The following CLEC12A variants were observed in gnomAD, a reference collection of about 807,000 sequenced individuals.
The protein encoded by CLEC12A is C-type lectin protein CLL-1.
In CLEC12A, 22 loss-of-function variants were observed where a neutral mutation model predicts 26.5. The ratio of observed to expected loss-of-function variants is 0.83; its 90% CI spans 0.59 to 1.19. The LOEUF is 1.19. Ranked by LOEUF, CLEC12A falls within the 50% of genes most tolerant of loss-of-function variation. The probability of loss-of-function intolerance (pLI) is 0.00; values close to 1 mark genes in which losing one functional copy is unlikely to be tolerated. For missense variants in CLEC12A, 353 were observed against 315.6 expected (o/e 1.12, Z -0.90); for synonymous variants, 119 against 101.9 (o/e 1.17, Z -1.01).
chr12:9,987,748 GTTTT>G (rs551821321), downstream of CLEC12A, among the ~76,000 whole-genome samples: 4 of 151,706 alleles, frequency 2.6e-5, no homozygotes, highest in African/African-American at 4.8e-5. Flanking sequence ...GTTTTTGTTT[GTTTT>G]TTTGTTTTGT....
chr12:9,969,859 C>G (rs1036581662), upstream of CLEC12A, among the ~76,000 whole-genome samples: 7 of 152,214 alleles, frequency 4.6e-5, no homozygotes, highest in Admixed American at 2.6e-4. Context: ...TTGATGGTCT[C>G]AACTCTACCA....
chr12:9,981,635 G>T (rs1283338591), intron 4 of CLEC12A, among the ~76,000 whole-genome samples: 1 of 152,114 alleles, frequency 6.6e-6, no homozygotes, highest in Non-Finnish European at 1.5e-5. Context: ...ATCTGAGTGT[G>T]TGGCATTTTT....
intron 1 of CLEC12A, among the ~76,000 whole-genome samples, chr12:9,956,323 C>T (rs1005792951): frequency 2.6e-5 from 4 of 152,176 alleles, no homozygotes; most frequent in African/African-American, 9.7e-5. Flanking sequence ...AATAAGAACA[C>T]ATCTTCTTTG....
At chr12:9,953,186 G>A (rs1202780559) in intron 1 of CLEC12A, 1 of 125,856 alleles carries the variant, frequency 7.9e-6, no homozygotes, top group Non-Finnish European at 1.7e-5. Context: ...GGAGGTGGGG[G>A]GGTCAGCCCC....
In CLEC12A at chr12:9,985,241, C is replaced by A. The variant is rs777255141; in HGVS notation, c.*215C>A. 1.1e-5 allele frequency: 5 copies of A among 445,572 alleles called. No individual in the cohort carries two copies. The highest frequency in any genetic ancestry group is 1.9e-5 in the Non-Finnish European group (5 of 268,618). 27.6% of individuals were successfully genotyped at this position (445,572 alleles called of 1,614,324 possible). A position where few individuals can be genotyped will look rare whatever the true frequency, so the allele number is the denominator to read the frequency against. ...TGAAGCATGTCCCACCTCCCACTTT[C>A]CATCATGGCCTGAACCCTGGAGGAA... On this transcript the variant is annotated 3_prime_UTR_variant, in exon 6 of 6. Coordinates refer to ENST00000304361, the MANE Select transcript of CLEC12A (RefSeq NM_138337.6).
intron 2 of CLEC12A, 128 bp downstream of exon 2, chr12:9,979,192 A>T: frequency 1.0e-6 from 1 of 968,620 alleles, no homozygotes; most frequent in Non-Finnish European, 1.6e-6. Context: ...GAGGACTTAC[A>T]ATGTGGAACT....
downstream of CLEC12A, chr12:9,996,788 T>C (rs1311145832): frequency 2.5e-6 from 4 of 1,574,902 alleles, no homozygotes; most frequent in Non-Finnish European, 3.5e-6. Context: ...AGGTCAAGTG[T>C]TACATTTGAG....
At chr12:9,957,238 A>T (rs1047630554) in intron 1 of CLEC12A, among the ~76,000 whole-genome samples, 6 of 152,016 alleles carry the variant, frequency 3.9e-5, no homozygotes, top group African/African-American at 1.5e-4. Context: ...CTGTAATCCC[A>T]GTAATTTGGG....
downstream of CLEC12A, chr12:9,985,804 T>C: frequency 4.5e-6 from 1 of 221,042 alleles, no homozygotes; most frequent in Non-Finnish European, 8.8e-6. Flanking sequence ...TGTTAGTAAA[T>C]ATTTTCCTGT....
intron 4 of CLEC12A, chr12:9,991,251 G>T (rs1248547679): frequency 6.6e-6 from 1 of 152,142 alleles, no homozygotes; most frequent in Admixed American, 6.5e-5. Flanking sequence ...GAGGTGGTCT[G>T]ATCTGTGCTA....
At chr12:9,972,060 G>T (rs201144260) in intron 1 of CLEC12A, among the ~76,000 whole-genome samples, 126 of 37,466 alleles carry the variant, frequency 3.4e-3, no homozygotes, top group African/African-American at 5.0e-3. Context: ...GTGTGTGTGT[G>T]TTTTTTTTTT....
At chr12:9,987,558 A>G (rs1864795892), downstream of CLEC12A, among the ~76,000 whole-genome samples, 1 of 152,206 alleles carries the variant, frequency 6.6e-6, no homozygotes, top group Non-Finnish European at 1.5e-5. Context: ...AGCATGTTCA[A>G]TTAACATTTA....
In CLEC12A at chr12:9,979,482, A is replaced by G; in HGVS notation, c.337A>G (p.Ile113Val). The G allele has an allele frequency of 1.9e-6, 3 of 1,613,378 alleles. No homozygotes were observed. Among genetic ancestry groups the G allele is most frequent in the South Asian group, 1.1e-5 (1 of 91,050 alleles). The part of the protein sequence containing the change: ...IRNLSTTLQT[I>V]ATKLCRELYS... Reference sequence around the variant, plus strand: ...GAACCTCTCCACCACACTGCAAACAATAGCCACCAAATTATGTCGTGAGCT... The same window carrying G: ...GAACCTCTCCACCACACTGCAAACAGTAGCCACCAAATTATGTCGTGAGCT... The change falls in exon 3 of 6, where the codon ATA becomes GTA. Residue 113 changes from isoleucine (I) to valine (V), a missense_variant. Physicochemically the swap from Ile to Val is conservative, Grantham distance 29 (BLOSUM62 3). Transcript: ENST00000304361.
chr12:10,002,767 ACTT>A, the CLEC12A span, among the ~76,000 whole-genome samples: 6 of 152,166 alleles, frequency 3.9e-5, no homozygotes, highest in African/African-American at 9.7e-5. Flanking sequence ...TAATCATTAC[ACTT>A]CTTGTAAAAA....
Position 9,979,469 on chromosome 12 carries a change from C to T in CLEC12A, c.324C>T (p.Thr108=). The T allele has an allele frequency of 8.1e-6, 13 of 1,613,424 alleles. No homozygotes were observed. Among genetic ancestry groups the T allele is most frequent in the Non-Finnish European group, 1.1e-5 (13 of 1,179,658 alleles). Residue 108 remains threonine, a synonymous_variant, in exon 3 of 6, where the codon ACC becomes ACT. Coordinates refer to ENST00000304361, the MANE Select transcript of CLEC12A (RefSeq NM_138337.6). ...CCAACAAGATCAGGAACCTCTCCAC[C>T]ACACTGCAAACAATAGCCACCAAAT... ...NISNKIRNLS[T]TLQTIATKLC...
At chr12:9,970,196 T>G (rs952847721), upstream of CLEC12A, among the ~76,000 whole-genome samples, 1 of 149,204 alleles carries the variant, frequency 6.7e-6, no homozygotes, top group Non-Finnish European at 1.5e-5. Context: ...TTGACGCTTC[T>G]AATCCCACAG....
At chr12:9,995,220 TA>T in exon 5 of CLEC12A, 1 of 1,613,022 alleles carries the variant, frequency 6.2e-7, no homozygotes, top group African/African-American at 1.3e-5. Flanking sequence ...CCCAACGAAT[TA>T]AATGAGTCCT....
rs570358182 is a variant in CLEC12A at position 9,955,482 on chromosome 12, C to G, written c.10+4126C>G. The stretch of plus-strand genomic sequence containing the variant: ...TGAATAGCTTTGATATCTCTTTTCT[C>G]ATAAGTAATATAGATAATTGCTAAA... On this transcript the variant is annotated intron_variant, in intron 1 of 6. Transcript: ENST00000355690. 2.6e-5 allele frequency among the ~76,000 whole-genome samples: 4 copies of G among 152,232 alleles called. No homozygotes were observed. The South Asian group carries it at 6.2e-4, about 24-fold the overall frequency.
At chr12:9,959,007 T>C (rs992703390) in intron 1 of CLEC12A, among the ~76,000 whole-genome samples, 12 of 152,224 alleles carry the variant, frequency 7.9e-5, no homozygotes, top group Non-Finnish European at 1.8e-4. Context: ...GACTTTGTAA[T>C]TTTGAGTTGG....
Sources: allele counts gnomAD v4.1 joint callset (sites outside exome capture counted in the v4.1 genomes callset), GRCh38; gene constraint gnomAD v4.1.1; transcripts MANE v1.5; gene names NCBI Gene and HGNC (gene_info 2026-07-23, HGNC 2026-07-21).